ARHGAP44: variants seen among roughly 807,000 people sequenced by gnomAD.
ARHGAP44 encodes the protein Rho GTPase activating protein 44.
ARHGAP44 carries 43 observed loss-of-function variants against 106.8 expected under a neutral mutation model. The observed-to-expected ratio is 0.40, with a 90% confidence interval of 0.32 to 0.52. The LOEUF (loss-of-function observed/expected upper bound fraction) is 0.52. ARHGAP44 is among the 20% of genes least tolerant of loss of function. ARHGAP44 has a pLI of 0.48. For missense variants in ARHGAP44, 866 were observed against 1,050.5 expected (o/e 0.82, Z 2.43); for synonymous variants, 439 against 410.3 (o/e 1.07, Z -0.85).
chr17:12,844,623 GATGATACA>G (rs1307019049), intron 1 of ARHGAP44, among the ~76,000 whole-genome samples: 1 of 152,140 alleles, frequency 6.6e-6, no homozygotes, highest in Non-Finnish European at 1.5e-5. Context: ...CAGTAACACT[GATGATACA>G]TACATACTAA....
Position 12,812,926 on chromosome 17 carries a change from A to C in ARHGAP44, c.53+23035A>C, listed in dbSNP as rs560400572. ...TCACAGTCATATGGTGTTCTATAAA[A>C]GTCTCTACTTATCTGGAGTATTGCC... On this transcript the variant is annotated intron_variant, in intron 1 of 20. Transcript: ENST00000379672. Among the ~76,000 whole-genome samples the C allele has an allele frequency of 2.0e-5, 3 of 152,322 alleles. No individual in the cohort carries two copies. In the South Asian group the frequency reaches 6.2e-4, roughly 32 times the overall value.
At chr17:12,858,819 C>G (rs1325962899) in intron 1 of ARHGAP44, among the ~76,000 whole-genome samples, 1 of 152,172 alleles carries the variant, frequency 6.6e-6, no homozygotes, top group Non-Finnish European at 1.5e-5. Flanking sequence ...TTAGTGGACT[C>G]ACAGTTCCAC....
chr17:12,846,450 A>C (rs2035573457), intron 1 of ARHGAP44, among the ~76,000 whole-genome samples: 1 of 152,206 alleles, frequency 6.6e-6, no homozygotes, highest in African/African-American at 2.4e-5. Flanking sequence ...GTACATACTT[A>C]TACTTCTGTA....
At chr17:12,946,826 A>C (rs2322710) in intron 10 of ARHGAP44, among the ~76,000 whole-genome samples, 102,789 of 151,424 alleles carry the variant, frequency 0.68, 35,112 homozygotes, top group African/African-American at 0.75. Flanking sequence ...AATATTCCCC[A>C]AAAAGTAACA....
intron 3 of ARHGAP44, among the ~76,000 whole-genome samples, chr17:12,904,791 C>A (rs948133449): frequency 6.6e-6 from 1 of 152,174 alleles, no homozygotes; most frequent in African/African-American, 2.4e-5. Context: ...TGAAAGGATA[C>A]ACAAAATCTG....
intron 1 of ARHGAP44, among the ~76,000 whole-genome samples, chr17:12,853,300 G>A (rs2035816853): frequency 6.6e-6 from 1 of 152,166 alleles, no homozygotes; most frequent in African/African-American, 2.4e-5. Flanking sequence ...AACCATCACA[G>A]TACTTCACTT....
intron 1 of ARHGAP44, among the ~76,000 whole-genome samples, chr17:12,867,004 T>A (rs2036254678): frequency 6.6e-6 from 1 of 152,090 alleles, no homozygotes; most frequent in African/African-American, 2.4e-5. Flanking sequence ...AAAATAATCC[T>A]TATCCAAAGT....
intron 19 of ARHGAP44, chr17:12,982,466 A>G (rs1248307393): frequency 1.3e-5 from 2 of 152,072 alleles, no homozygotes; most frequent in Non-Finnish European, 2.9e-5. Flanking sequence ...AGGCATGTGC[A>G]AGCATTGATA....
intron 7 of ARHGAP44, among the ~76,000 whole-genome samples, chr17:12,934,213 C>G (rs1223668369): frequency 1.3e-5 from 2 of 152,176 alleles, no homozygotes; most frequent in Non-Finnish European, 2.9e-5. Flanking sequence ...TGTCCTCTCT[C>G]TCTTTTAGTT....
At position 12,842,516 on chromosome 17, in the gene ARHGAP44, C is replaced by T. The variant is rs542414507; in HGVS notation, c.54-52424C>T. Among the ~76,000 whole-genome samples the T allele has an allele frequency of 1.5e-3, 226 of 152,182 alleles. 1 individual carries two copies. Among genetic ancestry groups the T allele is most frequent in the South Asian group, 7.3e-3 (35 of 4,810 alleles). ...GAGGTTGAGAAGGCTGATGTGAAACCGTGGTTCTCCAACTTTCATTTGCAT... is the reference window on the plus strand; with the variant it reads ...GAGGTTGAGAAGGCTGATGTGAAACTGTGGTTCTCCAACTTTCATTTGCAT... On this transcript the variant is annotated intron_variant, in intron 1 of 20. Coordinates refer to ENST00000379672, the MANE Select transcript of ARHGAP44 (RefSeq NM_014859.6).
In ARHGAP44 at chr17:12,919,890, C is replaced by T. The variant is rs373380192; in HGVS notation, c.464+59C>T. ...GAAGGGACAGTGATCATATTTTGGGCGGGTGGGTTTTAAGTAGGCAATTGT... is the reference window on the plus strand; with the variant it reads ...GAAGGGACAGTGATCATATTTTGGGTGGGTGGGTTTTAAGTAGGCAATTGT... On this transcript the variant is annotated intron_variant, in intron 6 of 20. Transcript: ENST00000379672. 5.0e-4 allele frequency: 738 copies of T among 1,474,358 alleles called. 8 individuals carry two copies. Among genetic ancestry groups the T allele is most frequent in the Middle Eastern group, 3.0e-3 (17 of 5,724 alleles). The allele number at this position is 1,474,358 out of a possible 1,614,324, so 91.3% of individuals were successfully genotyped here. A position where few individuals can be genotyped will look rare whatever the true frequency, so the allele number is the denominator to read the frequency against.
intron 12 of ARHGAP44, among the ~76,000 whole-genome samples, chr17:12,950,496 C>T (rs1034226793): frequency 1.3e-5 from 2 of 152,206 alleles, no homozygotes; most frequent in African/African-American, 2.4e-5. Flanking sequence ...GATGCATGCT[C>T]TGGCTCCCAC....
chr17:12,925,507 G>C (rs908552920), intron 6 of ARHGAP44, among the ~76,000 whole-genome samples: 2 of 152,152 alleles, frequency 1.3e-5, no homozygotes, highest in Admixed American at 1.3e-4. Context: ...TCTTCTTCTG[G>C]ACATTCTGTT....
intron 1 of ARHGAP44, among the ~76,000 whole-genome samples, chr17:12,838,536 A>C (rs2035301928): frequency 6.6e-6 from 1 of 152,170 alleles, no homozygotes; most frequent in Non-Finnish European, 1.5e-5. Flanking sequence ...CACCATTTTA[A>C]AGTGAATCGG....
At chr17:12,897,969 T>A (rs1271379904) in intron 3 of ARHGAP44, among the ~76,000 whole-genome samples, 1 of 152,118 alleles carries the variant, frequency 6.6e-6, no homozygotes, top group Non-Finnish European at 1.5e-5. Flanking sequence ...CCTTGAGTGA[T>A]CTGAAGTATA....
chr17:12,882,342 A>T (rs1385167491), intron 1 of ARHGAP44, among the ~76,000 whole-genome samples: 1 of 151,994 alleles, frequency 6.6e-6, no homozygotes, highest in Non-Finnish European at 1.5e-5. Flanking sequence ...AAGTTTTATT[A>T]TTTATAATAA....
Position 12,984,529 on chromosome 17 carries a change from A to T in ARHGAP44, c.1940-2A>T. The T allele has an allele frequency of 6.6e-7, 1 of 1,514,098 alleles. No individual in the cohort carries two copies. Among genetic ancestry groups the T allele is most frequent in the Non-Finnish European group, 8.8e-7 (1 of 1,135,768 alleles). The allele number at this position is 1,514,098 out of a possible 1,614,324, so 93.8% of individuals were successfully genotyped here. On this transcript the variant is annotated splice_acceptor_variant, in intron 19 of 20. Transcript: ENST00000379672. LOFTEE classifies it high-confidence loss of function. ...GTTGTTGTGTTGTGTTTTCTCTTTCAGTTTCAAAGAAGCTGGCACCGATTC... is the reference window on the plus strand; with the variant it reads ...GTTGTTGTGTTGTGTTTTCTCTTTCTGTTTCAAAGAAGCTGGCACCGATTC...
chr17:12,901,828 C>T (rs1229815187), intron 3 of ARHGAP44, among the ~76,000 whole-genome samples: 1 of 152,132 alleles, frequency 6.6e-6, no homozygotes, highest in Non-Finnish European at 1.5e-5. Flanking sequence ...TCCTCTAAAT[C>T]CCAGACACCA....
At chr17:12,981,877 G>T (rs573645189) in intron 19 of ARHGAP44, among the ~76,000 whole-genome samples, 1 of 152,072 alleles carries the variant, frequency 6.6e-6, no homozygotes, top group Non-Finnish European at 1.5e-5. Context: ...TGGGCGTGGT[G>T]GTGGGCGTCT....
Sources: allele counts gnomAD v4.1 joint callset (sites outside exome capture counted in the v4.1 genomes callset), GRCh38; gene constraint gnomAD v4.1.1; transcripts MANE v1.5; gene names NCBI Gene and HGNC (gene_info 2026-07-23, HGNC 2026-07-21).